GALNTL6: variants seen among roughly 807,000 people sequenced by gnomAD.
GALNTL6 encodes the protein polypeptide N-acetylgalactosaminyltransferase-like 6.
Under a neutral mutation model 73.7 loss-of-function variants are expected in GALNTL6, and 46 were observed. That is an observed-to-expected ratio of 0.62 (90% confidence interval 0.49 to 0.80). The LOEUF (loss-of-function observed/expected upper bound fraction) is 0.80. GALNTL6 is among the 30% of genes least tolerant of loss of function. GALNTL6 has a pLI of 0.00. For missense variants in GALNTL6, 604 were observed against 755.0 expected (o/e 0.80, Z 2.34); for synonymous variants, 259 against 263.7 (o/e 0.98, Z 0.17).
intron 2 of GALNTL6, among the ~76,000 whole-genome samples, chr4:171,962,631 T>C (rs939344721): frequency 2.0e-5 from 3 of 152,024 alleles, no homozygotes; most frequent in Non-Finnish European, 4.4e-5. Flanking sequence ...GGAAAACTCA[T>C]GAATAATCCA....
chr4:172,947,338 T>G (rs1749215378), intron 9 of GALNTL6, among the ~76,000 whole-genome samples: 1 of 152,044 alleles, frequency 6.6e-6, no homozygotes, highest in Non-Finnish European at 1.5e-5. Context: ...AACAGAAAAC[T>G]GAAGTGAAGG....
chr4:172,782,132 C>T (rs1480120680), intron 5 of GALNTL6, among the ~76,000 whole-genome samples: 1 of 152,038 alleles, frequency 6.6e-6, no homozygotes, highest in African/African-American at 2.4e-5. Flanking sequence ...TGTTGACCCA[C>T]CTTGCCTTAA....
At chr4:172,787,824 G>A (rs1284508204) in intron 5 of GALNTL6, among the ~76,000 whole-genome samples, 2 of 152,160 alleles carry the variant, frequency 1.3e-5, no homozygotes, top group African/African-American at 2.4e-5. Context: ...ATTTTAGAAT[G>A]TGTGTTTGCA....
intron 7 of GALNTL6, among the ~76,000 whole-genome samples, chr4:172,875,676 C>T (rs1032826294): frequency 3.3e-5 from 5 of 150,784 alleles, no homozygotes; most frequent in Non-Finnish European, 7.4e-5. Flanking sequence ...GTAGGAATGA[C>T]GAAGGGAATT....
chr4:172,799,130 G>C (rs1274137955), intron 5 of GALNTL6, among the ~76,000 whole-genome samples: 3 of 152,208 alleles, frequency 2.0e-5, no homozygotes, highest in Non-Finnish European at 4.4e-5. Flanking sequence ...GGAAGGCTAA[G>C]AGCGGGCAGA....
At chr4:172,978,818 C>T (rs1043066703) in intron 10 of GALNTL6, among the ~76,000 whole-genome samples, 2 of 152,198 alleles carry the variant, frequency 1.3e-5, no homozygotes, top group East Asian at 1.9e-4. Flanking sequence ...TCACTGTTCT[C>T]AGCTCCTCAC....
intron 5 of GALNTL6, among the ~76,000 whole-genome samples, chr4:172,406,542 AAAAAT>A (rs2111335032): frequency 6.6e-6 from 1 of 152,192 alleles, no homozygotes; most frequent in East Asian, 1.9e-4. Flanking sequence ...TTCAAGAGAA[AAAAAT>A]AAGACTATTG....
At chr4:172,019,333 C>T (rs545802913) in intron 2 of GALNTL6, among the ~76,000 whole-genome samples, 2 of 151,986 alleles carry the variant, frequency 1.3e-5, no homozygotes, top group African/African-American at 4.8e-5. Context: ...TTTAAAGAAT[C>T]ATGTTAGATT....
At chr4:172,986,887 G>A (rs1398360534) in intron 10 of GALNTL6, among the ~76,000 whole-genome samples, 2 of 152,192 alleles carry the variant, frequency 1.3e-5, no homozygotes, top group Non-Finnish European at 2.9e-5. Flanking sequence ...AAAAAAGAAG[G>A]TAGTAGTCCA....
intron 3 of GALNTL6, among the ~76,000 whole-genome samples, chr4:172,294,615 A>G (rs563981064): frequency 1.3e-5 from 2 of 152,258 alleles, no homozygotes; most frequent in Non-Finnish European, 2.9e-5. Flanking sequence ...CATAAATTAC[A>G]GATATTTTAA....
intron 3 of GALNTL6, among the ~76,000 whole-genome samples, chr4:172,248,052 A>G (rs1263733766): frequency 7.9e-6 from 1 of 125,804 alleles, no homozygotes; most frequent in Non-Finnish European, 1.8e-5. Flanking sequence ...AAAATGTAGT[A>G]CTTTTAAAAT....
chr4:173,020,058 C>G (rs374739821), intron 11 of GALNTL6, among the ~76,000 whole-genome samples: 17 of 152,206 alleles, frequency 1.1e-4, no homozygotes, highest in African/African-American at 3.9e-4. Flanking sequence ...ACACAGCCAG[C>G]CTGCCGTAAG....
intron 5 of GALNTL6, among the ~76,000 whole-genome samples, chr4:172,452,151 A>T (rs956512212): frequency 2.0e-5 from 3 of 152,158 alleles, no homozygotes; most frequent in Non-Finnish European, 1.5e-5. Context: ...ATAACTGTCC[A>T]TGAGTCCACA....
intron 2 of GALNTL6, among the ~76,000 whole-genome samples, chr4:171,984,948 T>C (rs332986): frequency 0.98 from 148,448 of 151,890 alleles, 72,633 homozygotes; most frequent in Middle Eastern, 1. Flanking sequence ...GTCAGGAGAT[T>C]AAGACCATCA....
At position 172,811,890 on chromosome 4, in the gene GALNTL6, A is replaced by ACAGAAATT. The variant is rs1741319707; in HGVS notation, c.740-1649_740-1642dup. ...AATTGTCTTTGCTTCATTCCTGAAG[A>ACAGAAATT]CAGAAATTTTTGTGATGTTATTCAT... On this transcript the variant is annotated intron_variant, in intron 6 of 12. Transcript: ENST00000506823. 1.3e-5 allele frequency among the ~76,000 whole-genome samples: 2 copies of ACAGAAATT among 152,222 alleles called. 1 individual carries two copies. The highest frequency in any genetic ancestry group is 4.1e-4 in the South Asian group (2 of 4,838).
chr4:172,661,241 C>G (rs1015820414), intron 5 of GALNTL6, among the ~76,000 whole-genome samples: 1 of 152,158 alleles, frequency 6.6e-6, no homozygotes, highest in Non-Finnish European at 1.5e-5. Context: ...ACCTCTCCAC[C>G]CCCTACCCCA....
chr4:171,988,856 G>A (rs914364827), intron 2 of GALNTL6, among the ~76,000 whole-genome samples: 1 of 152,080 alleles, frequency 6.6e-6, no homozygotes. Flanking sequence ...AGGGAGTAGA[G>A]GTGTCTTATA....
At chr4:172,835,425 A>G (rs186096858) in intron 7 of GALNTL6, among the ~76,000 whole-genome samples, 20 of 152,316 alleles carry the variant, frequency 1.3e-4, no homozygotes, top group Admixed American at 5.2e-4. Context: ...ACAGGTCCAG[A>G]GAGGAAGAAT....
chr4:172,131,791 A>G (rs191813633), intron 2 of GALNTL6, among the ~76,000 whole-genome samples: 158 of 151,880 alleles, frequency 1.0e-3, no homozygotes, highest in Middle Eastern at 6.8e-3. Flanking sequence ...TCTCCAGGGC[A>G]CTGACTTACT....
Sources: gnomAD v4.1 joint callset for allele counts (sites outside exome capture counted in the v4.1 genomes callset) on GRCh38, gnomAD v4.1.1 for gene constraint, MANE v1.5 for transcripts, NCBI Gene and HGNC (gene_info 2026-07-23, HGNC 2026-07-21) for gene names.